The following TH variants were observed in gnomAD, a reference collection of about 807,000 sequenced individuals.
The protein encoded by TH is tyrosine hydroxylase.
TH carries 49 observed loss-of-function variants against 57.4 expected under a neutral mutation model. The ratio of observed to expected loss-of-function variants is 0.85; its 90% CI spans 0.68 to 1.08. The LOEUF (loss-of-function observed/expected upper bound fraction) is 1.08, where lower values mean the gene tolerates loss of function less well. TH is among the 50% of genes least tolerant of loss of function. The pLI, the probability that TH is intolerant of heterozygous loss-of-function variation, is 0.00. For missense variants in TH, 720 were observed against 696.7 expected (o/e 1.03, Z -0.38); for synonymous variants, 330 against 304.5 (o/e 1.08, Z -0.87).
intron 9 of TH, 151 bp from the exon 10 acceptor site, chr11:2,166,209 C>T: frequency 1.1e-6 from 1 of 943,212 alleles, no homozygotes; most frequent in Non-Finnish European, 1.6e-6. Flanking sequence ...ATCCGCACCT[C>T]CACCGGGCCT....
In TH at chr11:2,164,123, G is replaced by T; in HGVS notation, c.*110C>A. 1 of 999,848 alleles carries T rather than the reference G, an allele frequency of 1.0e-6. No individual in the cohort carries two copies. 61.9% of individuals were successfully genotyped at this position (999,848 alleles called of 1,614,324 possible). On this transcript the variant is annotated 3_prime_UTR_variant, in exon 13 of 13. Coordinates refer to ENST00000352909, the MANE Select transcript of TH (RefSeq NM_000360.4). ...GTGCAGGGGCAGTGGGAGCCTGGCA[G>T]CAGGGAGGGCATGGGGGGCACCCGG...
At chr11:2,167,087 C>T in intron 6 of TH, 55 bp from the exon 7 acceptor site, 3 of 1,547,626 alleles carry the variant, frequency 1.9e-6, no homozygotes, top group Non-Finnish European at 1.7e-6. Flanking sequence ...GCCCGAAACC[C>T]CCCTCCTGAA....
At chr11:2,167,649 C>T (rs1033858898) in intron 5 of TH, 164 bp from the exon 6 acceptor site, 57 of 1,084,066 alleles carry the variant, frequency 5.3e-5, no homozygotes, top group Non-Finnish European at 6.0e-5. Flanking sequence ...TGCCGTGAGC[C>T]GGCTATGTGG....
intron 12 of TH, 144 bp from the exon 13 acceptor site, chr11:2,164,536 G>A (rs1846031018): frequency 5.4e-6 from 5 of 930,852 alleles, no homozygotes; most frequent in Non-Finnish European, 4.6e-6. Flanking sequence ...TCACAGGCGG[G>A]ACACTGAGGC....
Position 2,170,912 on chromosome 11 carries a change from C to T in TH, c.90+785G>A. 1 of 607,226 alleles carries T rather than the reference C, an allele frequency of 1.6e-6. No individual in the cohort carries two copies. The highest frequency in any genetic ancestry group is 2.0e-5 in the South Asian group (1 of 50,796). 37.6% of individuals were successfully genotyped at this position (607,226 alleles called of 1,614,324 possible). A position where few individuals can be genotyped will look rare whatever the true frequency, so the allele number is the denominator to read the frequency against. ...CTCACACCACATTTCAATCAAGGTC[C>T]ATAAATAAAAACCCATTTTAAATGT... On this transcript the variant is annotated intron_variant, in intron 1 of 12. Transcript: ENST00000352909. This position sits in a 1 kb window ranked among gnomAD's most constrained non-coding sequence, Gnocchi z 6.0.
rs1564918167 is a variant in TH at position 2,166,962 on chromosome 11, C to CA, written c.765dup (p.Ala256CysfsTer70). 6.3e-7 allele frequency: 1 copy of CA among 1,595,132 alleles called. No homozygotes were observed. Among genetic ancestry groups the CA allele is most frequent in the South Asian group, 1.1e-5 (1 of 88,006 alleles). On this transcript the variant is annotated frameshift_variant, in exon 7 of 13. Coordinates refer to ENST00000352909, the MANE Select transcript of TH (RefSeq NM_000360.4). LOFTEE classifies it high-confidence loss of function. ...TAGCCGCTGAAGCGCTCCAGCAAAG[C>CA]AAAGGCCTCCAGGTGCTCCCCGCAG...
At chr11:2,166,824 G>A in intron 7 of TH, 56 bp from the exon 8 acceptor site, 3 of 1,561,842 alleles carry the variant, frequency 1.9e-6, no homozygotes, top group African/African-American at 1.4e-5. Context: ...GCCGCGCTGG[G>A]GTGGGGCGCT....
chr11:2,168,437 A>G, intron 3 of TH, 54 bp downstream of exon 3: 1 of 1,605,348 alleles, frequency 6.2e-7, no homozygotes, highest in Non-Finnish European at 8.5e-7. Context: ...GAGCCCCTGC[A>G]CCCCAGCCTC....
intron 11 of TH, 76 bp from the exon 12 acceptor site, chr11:2,165,441 G>T (rs1288829859): frequency 3.1e-6 from 5 of 1,593,348 alleles, no homozygotes; most frequent in African/African-American, 1.3e-5. Flanking sequence ...GTGGCCTGAC[G>T]CTGGGTGGGT....
chr11:2,166,257 C>A (rs1846087233), intron 9 of TH, 199 bp from the exon 10 acceptor site: 1 of 851,334 alleles, frequency 1.2e-6, no homozygotes, highest in South Asian at 1.7e-5. Flanking sequence ...CATTCCTAAG[C>A]CCGTGGGCGC....
rs200751977 is a variant in TH at position 2,164,328 on chromosome 11, C to T, written c.1399G>A (p.Asp467Asn). The T allele has an allele frequency of 3.2e-6, 5 of 1,539,806 alleles. No homozygotes were observed. The highest frequency in any genetic ancestry group is 2.4e-5 in the South Asian group (2 of 81,994). ...VKFDPYTLAI[D>N]VLDSPQAVRR... ...ACGGCCTGGGGGCTGTCCAGCACGT[C>T]GATGGCCAGCGTGTACGGGTCGAAC... The change falls in exon 13 of 13, where the codon GAC becomes AAC. Residue 467 changes from aspartate to asparagine, a missense_variant. Transcript: ENST00000352909.
At chr11:2,168,229 CTGTG>C in intron 3 of TH, 50 bp from the exon 4 acceptor site, 1 of 1,584,230 alleles carries the variant, frequency 6.3e-7, no homozygotes, top group Non-Finnish European at 8.7e-7. Flanking sequence ...AGCCGTGGGG[CTGTG>C]TCACCCACCT....
chr11:2,164,092 A>G lies in TH; in HGVS notation c.*141T>C. ...GGGCACACACAGCTGTTGCGCTGAG[A>G]AGCAGGTGCAGGGGCAGTGGGAGCC... On this transcript the variant is annotated 3_prime_UTR_variant, in exon 13 of 13. Coordinates refer to ENST00000352909, the MANE Select transcript of TH (RefSeq NM_000360.4). 1 of 707,074 alleles carries G rather than the reference A, an allele frequency of 1.4e-6. No homozygotes were observed. The highest frequency in any genetic ancestry group is 3.4e-5 in the East Asian group (1 of 29,792). 43.8% of individuals were successfully genotyped at this position (707,074 alleles called of 1,614,324 possible).
In TH at chr11:2,165,698, G is replaced by C. The variant is rs199839852; in HGVS notation, c.1170C>G (p.Ala390=). Residue 390 remains alanine (A), a synonymous_variant, in exon 11 of 13, where the codon GCC becomes GCG. Coordinates refer to ENST00000352909, the MANE Select transcript of TH (RefSeq NM_000360.4). The stretch of plus-strand genomic sequence containing the variant: ...GCTCCCCGTAGGAGGACAGCAGCCC[G>C]GCACCATAGGCCTTCACCTCCCCGT... ...KQNGEVKAYG[A]GLLSSYGELL... The C allele has an allele frequency of 5.5e-4, 883 of 1,612,618 alleles. 3 individuals carry two copies. Among genetic ancestry groups the C allele is most frequent in the Non-Finnish European group, 6.9e-4 (816 of 1,179,960 alleles).
intron 6 of TH, 150 bp downstream of exon 6, chr11:2,167,285 C>A: frequency 9.3e-7 from 1 of 1,072,778 alleles, no homozygotes. Flanking sequence ...TTCCTCCCAA[C>A]CCAACATTCT....
In TH at chr11:2,171,054, A is replaced by T. The variant is rs932064554; in HGVS notation, c.90+643T>A. 6.6e-6 allele frequency among the ~76,000 whole-genome samples: 1 copy of T among 151,872 alleles called. No homozygotes were observed. The highest frequency in any genetic ancestry group is 2.4e-5 in the African/African-American group (1 of 41,330). On this transcript the variant is annotated intron_variant, in intron 1 of 12. Transcript: ENST00000352909. This position sits in a 1 kb window ranked among gnomAD's most constrained non-coding sequence, Gnocchi z 8.6. ...CAGTCCCCTGTACACAGGGCTTCCG[A>T]GTGCAGGTCACAGGGAACACAGACT...
At position 2,170,976 on chromosome 11, in the gene TH, C is replaced by T. The variant is rs568095003; in HGVS notation, c.90+721G>A. On this transcript the variant is annotated intron_variant, in intron 1 of 12. Transcript: ENST00000352909. This position sits in a 1 kb window ranked among gnomAD's most constrained non-coding sequence, Gnocchi z 6.0. The stretch of plus-strand genomic sequence containing the variant: ...AGGTTCTGAGTGCCCAAGGAGGCAC[C>T]GAAGACCCCTCCTGTGGGCTGAAAA... 3.9e-5 allele frequency among the ~76,000 whole-genome samples: 6 copies of T among 152,000 alleles called. No individual in the cohort carries two copies. Among genetic ancestry groups the T allele is most frequent in the Non-Finnish European group, 5.9e-5 (4 of 67,976 alleles).
rs147569564 is a variant in TH at position 2,168,526 on chromosome 11, A to G, written c.452T>C (p.Val151Ala). 1.1e-4 allele frequency: 175 copies of G among 1,612,296 alleles called. No homozygotes were observed. Among genetic ancestry groups the G allele is most frequent in the Non-Finnish European group, 1.4e-4 (163 of 1,179,826 alleles). ...LAALLSGVRQ[V>A]SEDVRSPAGP... ...CGCGGGGCTGCGCACGTCCTCTGAC[A>G]CCTGGCGCACACCACTGAGCAGGGC... The change falls in exon 3 of 13, where the codon GTG becomes GCG. Residue 151 changes from valine (V) to alanine (A), a missense_variant. Coordinates refer to ENST00000352909, the MANE Select transcript of TH (RefSeq NM_000360.4).
At chr11:2,164,641 C>T (rs1179736557) in intron 12 of TH, among the ~76,000 whole-genome samples, 1 of 152,158 alleles carries the variant, frequency 6.6e-6, no homozygotes, top group Admixed American at 6.5e-5. Context: ...CCCTGAACCT[C>T]CACTGGGCCT....
Sources: gnomAD v4.1 joint callset for allele counts (sites outside exome capture counted in the v4.1 genomes callset) on GRCh38, gnomAD v4.1.1 for gene constraint, Gnocchi (gnomAD v3.1) non-coding constraint, MANE v1.5 for transcripts, NCBI Gene and HGNC (gene_info 2026-07-23, HGNC 2026-07-21) for gene names.